Variants in APOB observed in about 807,000 individuals in gnomAD.
APOB encodes the protein apolipoprotein B, also known as apolipoprotein B-100.
A neutral mutation model predicts 314.1 loss-of-function variants in APOB; 153 were observed. The observed-to-expected ratio is 0.49, with a 90% CI of 0.43 to 0.56. The LOEUF is 0.56. Ranked by LOEUF, APOB falls within the 20% of genes least tolerant of loss-of-function variation. The probability of loss-of-function intolerance (pLI) is 0.00; values close to 1 mark genes in which losing one functional copy is unlikely to be tolerated. For missense variants in APOB, 5,430 were observed against 5,350.7 expected (o/e 1.01, Z -0.46); for synonymous variants, 2,087 against 2,036.4 (o/e 1.02, Z -0.67).
At chr2:21,034,976 G>C in intron 7 of APOB, 75 bp from the exon 8 acceptor site, 1 of 829,028 alleles carries the variant, frequency 1.2e-6, no homozygotes, top group Non-Finnish European at 2.2e-6. Context: ...GGTTTTCCCT[G>C]TCTCTGCATC....
Position 21,009,431 on chromosome 2 carries a change from C to T in APOB, c.7437G>A (p.Val2479=), listed in dbSNP as rs1663244076. The part of the protein sequence containing the change: ...FLEETKATVA[V]YLESLQDTKI... The stretch of plus-strand genomic sequence containing the variant: ...TGGTGTCCTGTAGGCTTTCCAGATA[C>T]ACTGCAACTGTGGCCTTGGTTTCCT... Residue 2479 remains valine, a synonymous_variant, in exon 26 of 29, where the codon GTG becomes GTA. Transcript: ENST00000233242. The T allele has an allele frequency of 6.2e-7, 1 of 1,614,046 alleles. No homozygotes were observed. Among genetic ancestry groups the T allele is most frequent in the Non-Finnish European group, 8.5e-7 (1 of 1,179,974 alleles).
Position 21,013,242 on chromosome 2 carries a change from G to T in APOB, c.4134C>A (p.Thr1378=). ...CCCGAAGGCTGAAATGGTCTGTGCT[G>T]GTGTTGCCACCACTGTAGGAGGCGG... The part of the protein sequence containing the change: ...NWSASYSGGN[T]STDHFSLRAR... The change falls in exon 25 of 29, where the codon ACC becomes ACA. Residue 1378 remains threonine (T), a synonymous_variant. Transcript: ENST00000233242. The T allele has an allele frequency of 6.2e-7, 1 of 1,614,192 alleles. No individual in the cohort carries two copies. Among genetic ancestry groups the T allele is most frequent in the Non-Finnish European group, 8.5e-7 (1 of 1,180,034 alleles).
intron 25 of APOB, 53 bp from the exon 26 acceptor site, chr2:21,012,704 C>A (rs1663360506): frequency 1.3e-6 from 2 of 1,578,128 alleles, no homozygotes; most frequent in South Asian, 1.1e-5. Context: ...ATTTCCAGAG[C>A]AATCTCTATG....
At chr2:21,042,306 C>A in intron 3 of APOB, 55 bp downstream of exon 3, 1 of 1,426,966 alleles carries the variant, frequency 7.0e-7, no homozygotes, top group Non-Finnish European at 9.9e-7. Context: ...CCCGCTGGAA[C>A]AGGGCTGGGG....
intron 14 of APOB, among the ~76,000 whole-genome samples, chr2:21,027,415 G>A (rs539570383): frequency 3.4e-5 from 5 of 146,008 alleles, no homozygotes; most frequent in East Asian, 4.1e-4. Context: ...CTGGGTTCAC[G>A]CCATTCTCCT....
At position 21,012,073 on chromosome 2, in the gene APOB, G is replaced by T; in HGVS notation, c.4795C>A (p.Arg1599Ser). The change falls in exon 26 of 29, where the codon CGT becomes AGT. Residue 1599 changes from arginine to serine, a missense_variant. Transcript: ENST00000233242. ...MTFSKQNALL[R>S]SEYQADYESL... ...TCGTAATCAGCCTGATATTCAGAACGCAGCAGTGCATTTTGCTTAGAGAAG... is the reference window on the plus strand; with the variant it reads ...TCGTAATCAGCCTGATATTCAGAACTCAGCAGTGCATTTTGCTTAGAGAAG... 1 of 1,614,162 alleles carries T rather than the reference G, an allele frequency of 6.2e-7. No individual in the cohort carries two copies. Among genetic ancestry groups the T allele is most frequent in the Non-Finnish European group, 8.5e-7 (1 of 1,180,028 alleles).
rs1166625537 is a variant in APOB, at chr2:21,005,386, G to A, written c.11482C>T (p.Pro3828Ser). 1.2e-6 allele frequency: 2 copies of A among 1,613,928 alleles called. No individual in the cohort carries two copies. Among genetic ancestry groups the A allele is most frequent in the African/African-American group, 2.7e-5 (2 of 74,890 alleles). The change falls in exon 26 of 29, where the codon CCA becomes TCA. Residue 3828 changes from proline (P) to serine (S), a missense_variant. Coordinates refer to ENST00000233242, the MANE Select transcript of APOB (RefSeq NM_000384.3). ...SQLTVSQFTLPKSVSDGIAAL... is the reference protein window; with the variant it reads ...SQLTVSQFTLSKSVSDGIAAL... The stretch of plus-strand genomic sequence containing the variant: ...GCAATGCCATCTGAAACACTTTTTG[G>A]AAGCGTGAACTGGGACACAGTTAAC...
chr2:21,026,754 G>T, intron 15 of APOB, 34 bp downstream of exon 15: 1 of 1,569,802 alleles, frequency 6.4e-7, no homozygotes, highest in Non-Finnish European at 8.8e-7. Context: ...GAGACCCAAA[G>T]CTTTCCTTAA....
At chr2:21,033,666 G>T in intron 8 of APOB, 148 bp from the exon 9 acceptor site, 1 of 730,764 alleles carries the variant, frequency 1.4e-6, no homozygotes, top group Non-Finnish European at 2.4e-6. Flanking sequence ...ATCTGGCTCT[G>T]CCATAGGTGA....
At chr2:21,034,253 A>G (rs929892840) in intron 8 of APOB, among the ~76,000 whole-genome samples, 4 of 152,184 alleles carry the variant, frequency 2.6e-5, no homozygotes, top group African/African-American at 9.7e-5. Flanking sequence ...TCAAACTCTA[A>G]GCCTCTCTGT....
rs13306196 is a variant in APOB, at chr2:21,007,391, C to T, written c.9477G>A (p.Lys3159=). The change falls in exon 26 of 29, where the codon AAG becomes AAA. Residue 3159 remains lysine (K), a synonymous_variant. Coordinates refer to ENST00000233242, the MANE Select transcript of APOB (RefSeq NM_000384.3). ...DFSLWEKTGL[K]EFLKTTKQSF... ...ATTGCTTTGTCGTTTTCAAGAATTC[C>T]TTCAAGCCTGTTTTTTCCCATAGAG... 1.0e-3 allele frequency: 1,608 copies of T among 1,613,978 alleles called. 31 individuals are homozygous for T. In the East Asian group the frequency reaches 0.032, roughly 32 times the overall value.
At position 21,012,001 on chromosome 2, in the gene APOB, C is replaced by G; in HGVS notation, c.4867G>C (p.Gly1623Arg). The change falls in exon 26 of 29, where the codon GGT (glycine) becomes CGT (arginine). Residue 1623 changes from glycine to arginine, a missense_variant. Physicochemically the swap from Gly to Arg is moderately radical, Grantham distance 125. This residue lies in a region of APOB where 2,085 missense variants were observed against 2,079.7 expected (regional missense o/e 1.00). Transcript: ENST00000233242. ...AAGATGTCAGCATTTAACTCAAGAC[C>G]ATGGGAATTTAGTGATCCAGAAAGC... ...SLLSGSLNSH[G>R]LELNADILGT... The G allele has an allele frequency of 6.2e-7, 1 of 1,614,112 alleles. No homozygotes were observed. Among genetic ancestry groups the G allele is most frequent in the Non-Finnish European group, 8.5e-7 (1 of 1,180,008 alleles).
At chr2:21,025,490 A>G (rs2103372671) in intron 15 of APOB, among the ~76,000 whole-genome samples, 1 of 152,292 alleles carries the variant, frequency 6.6e-6, no homozygotes, top group South Asian at 2.1e-4. Flanking sequence ...GAAGACTACA[A>G]GGTGTTTCTT....
intron 8 of APOB, among the ~76,000 whole-genome samples, chr2:21,033,733 A>T (rs1310045759): frequency 6.6e-6 from 1 of 152,160 alleles, no homozygotes. Flanking sequence ...TTATTGTTCA[A>T]TTTAATGATA....
chr2:21,033,809 C>G (rs1558574597), intron 8 of APOB, among the ~76,000 whole-genome samples: 1 of 152,186 alleles, frequency 6.6e-6, no homozygotes, highest in African/African-American at 2.4e-5. Flanking sequence ...CCCTGGATCT[C>G]AGCTCTGAGT....
intron 10 of APOB, among the ~76,000 whole-genome samples, 187 bp downstream of exon 10, chr2:21,032,167 A>T (rs1663897106): frequency 6.6e-6 from 1 of 152,214 alleles, no homozygotes; most frequent in South Asian, 2.1e-4. Flanking sequence ...AAATATTTTT[A>T]AAAATTCAAT....
chr2:21,032,307 A>G, intron 10 of APOB, 47 bp downstream of exon 10: 1 of 1,522,508 alleles, frequency 6.6e-7, no homozygotes, highest in South Asian at 1.1e-5. Context: ...CAGAGGTGCA[A>G]GATGTTCCTC....
chr2:21,027,565 G>A (rs780196888), intron 14 of APOB, among the ~76,000 whole-genome samples: 2 of 152,056 alleles, frequency 1.3e-5, no homozygotes, highest in African/African-American at 4.8e-5. Context: ...CACCCGCCTC[G>A]GCCTCCCAAA....
At chr2:21,021,229 CTT>C (rs1663599173) in intron 18 of APOB, among the ~76,000 whole-genome samples, 1 of 152,206 alleles carries the variant, frequency 6.6e-6, no homozygotes, top group African/African-American at 2.4e-5. Context: ...CCTCCTTCCT[CTT>C]TTCTTCTTTC....
Sources: allele counts gnomAD v4.1 joint callset (sites outside exome capture counted in the v4.1 genomes callset), GRCh38; gene constraint gnomAD v4.1.1; regional missense constraint gnomAD v4.1.1; transcripts MANE v1.5; gene names NCBI Gene and HGNC (gene_info 2026-07-23, HGNC 2026-07-21).